CHST9: variants seen among roughly 807,000 people sequenced by gnomAD.
CHST9 encodes the protein GalNAc-4-sulfotransferase 2.
CHST9 carries 41 observed loss-of-function variants against 44.4 expected under a neutral mutation model. The ratio of observed to expected loss-of-function variants is 0.92; its 90% CI spans 0.72 to 1.20. The LOEUF (loss-of-function observed/expected upper bound fraction) is 1.20. Ranked by LOEUF, CHST9 falls within the 50% of genes most tolerant of loss-of-function variation. CHST9 has a pLI of 0.00. For synonymous variants in CHST9, 171 were observed against 178.4 expected, an observed-to-expected ratio of 0.96 and a Z score of 0.33; for missense variants, 504 against 516.5, an observed-to-expected ratio of 0.98 and a Z score of 0.23.
chr18:27,030,673 C>T (rs75835796), intron 3 of CHST9, among the ~76,000 whole-genome samples: 1,791 of 152,242 alleles, frequency 0.012, 14 homozygotes, highest in Non-Finnish European at 0.017. Flanking sequence ...CTTTAGAGCA[C>T]GCTTTGTGTA....
At chr18:26,945,711 A>C (rs2056152037) in intron 4 of CHST9, among the ~76,000 whole-genome samples, 1 of 152,216 alleles carries the variant, frequency 6.6e-6, no homozygotes, top group South Asian at 2.1e-4. Flanking sequence ...TATCATGAAT[A>C]AAGCTGCTAT....
intron 2 of CHST9, among the ~76,000 whole-genome samples, chr18:27,059,427 A>G (rs1406098348): frequency 6.6e-6 from 1 of 152,226 alleles, no homozygotes; most frequent in African/African-American, 2.4e-5. Flanking sequence ...CTTCTAAAGG[A>G]TCAATTAGTG....
chr18:26,977,571 A>G (rs776942098), intron 4 of CHST9, among the ~76,000 whole-genome samples: 1 of 152,188 alleles, frequency 6.6e-6, no homozygotes, highest in African/African-American at 2.4e-5. Flanking sequence ...AAATAATCTA[A>G]AAGGTCTAGG....
At chr18:26,938,551 A>G (rs370475558) in intron 5 of CHST9, among the ~76,000 whole-genome samples, 13 of 152,298 alleles carry the variant, frequency 8.5e-5, no homozygotes, top group African/African-American at 2.6e-4. Context: ...TTTGATAAGA[A>G]TAGTGCAAGG....
intron 5 of CHST9, among the ~76,000 whole-genome samples, chr18:26,937,943 T>G (rs977447646): frequency 6.6e-6 from 1 of 152,202 alleles, no homozygotes; most frequent in Admixed American, 6.5e-5. Context: ...CTCACAGGGT[T>G]GTTGTAACAA....
intron 3 of CHST9, among the ~76,000 whole-genome samples, chr18:27,033,115 T>C (rs1024822797): frequency 2.0e-5 from 3 of 152,196 alleles, no homozygotes; most frequent in African/African-American, 7.2e-5. Flanking sequence ...ATCTCCAGAA[T>C]TCCTCCCAGA....
intron 5 of CHST9, among the ~76,000 whole-genome samples, chr18:26,939,864 T>C (rs1168017803): frequency 3.9e-5 from 6 of 152,280 alleles, no homozygotes; most frequent in Non-Finnish European, 5.9e-5. Context: ...TCCTACCTCA[T>C]GTTTTACTTT....
chr18:26,999,290 T>G (rs1047183926), intron 4 of CHST9, among the ~76,000 whole-genome samples: 3 of 152,250 alleles, frequency 2.0e-5, no homozygotes, highest in Non-Finnish European at 4.4e-5. Context: ...TGAAATCATT[T>G]TTATTACTTT....
intron 4 of CHST9, among the ~76,000 whole-genome samples, chr18:26,974,600 A>G (rs2056593467): frequency 1.3e-5 from 2 of 151,994 alleles, no homozygotes; most frequent in South Asian, 4.1e-4. Flanking sequence ...TTCTTCCATC[A>G]TCCATGATCT....
chr18:27,123,451 G>C (rs1233632028), intron 2 of CHST9, among the ~76,000 whole-genome samples: 3 of 151,908 alleles, frequency 2.0e-5, no homozygotes, highest in African/African-American at 7.3e-5. Flanking sequence ...AATTATGTAG[G>C]GTTTTTAAAA....
chr18:27,033,897 G>A (rs9956566), intron 3 of CHST9, among the ~76,000 whole-genome samples: 196 of 152,258 alleles, frequency 1.3e-3, no homozygotes, highest in African/African-American at 4.4e-3. Context: ...AGGGAATGTG[G>A]CACTCAGTCA....
chr18:27,137,564 A>C (rs983322310), intron 2 of CHST9, among the ~76,000 whole-genome samples: 11 of 152,086 alleles, frequency 7.2e-5, no homozygotes, highest in African/African-American at 2.4e-4. Flanking sequence ...GAGGCTGAGG[A>C]GGCAGGCAGT....
chr18:26,916,374 T>C lies in CHST9; in HGVS notation c.1217A>G (p.Asn406Ser), dbSNP rs1441472328. The change falls in exon 6 of 6, where the codon AAT becomes AGT. Residue 406 changes from asparagine (N) to serine (S), a missense_variant. Physicochemically the swap from Asn to Ser is conservative, Grantham distance 46. Coordinates refer to ENST00000618847, the MANE Select transcript of CHST9 (RefSeq NM_031422.6). The stretch of plus-strand genomic sequence containing the variant: ...TAAATACTGTCTCACGACTTGAGCA[T>C]TGGTTCTTTCATCGGAAGAGTGCCT... ...KDRHSSDERT[N>S]AQVVRQYLKD... The C allele has an allele frequency of 1.2e-6, 2 of 1,613,682 alleles. No individual in the cohort carries two copies. The highest frequency in any genetic ancestry group is 1.1e-5 in the South Asian group (1 of 91,084).
chr18:27,123,504 A>G (rs1243486485), intron 2 of CHST9, among the ~76,000 whole-genome samples: 2 of 152,340 alleles, frequency 1.3e-5, no homozygotes, highest in South Asian at 4.1e-4. Context: ...TTATAATACC[A>G]TAAAGATAGA....
chr18:26,978,635 A>C (rs2056654383), intron 4 of CHST9, among the ~76,000 whole-genome samples: 1 of 152,240 alleles, frequency 6.6e-6, no homozygotes, highest in Non-Finnish European at 1.5e-5. Flanking sequence ...TCTGACTTCC[A>C]GTGTTGCTTC....
intron 5 of CHST9, among the ~76,000 whole-genome samples, chr18:26,920,126 C>T (rs2055620821): frequency 6.6e-6 from 1 of 152,228 alleles, no homozygotes; most frequent in African/African-American, 2.4e-5. Context: ...CCAATCAACT[C>T]TCAGTTCCTT....
intron 2 of CHST9, among the ~76,000 whole-genome samples, chr18:27,125,455 G>C (rs573787934): frequency 6.6e-6 from 1 of 152,174 alleles, no homozygotes; most frequent in South Asian, 2.1e-4. Context: ...CCAGTACTGG[G>C]CTCAGAACAC....
At chr18:27,052,921 G>A (rs1189639097) in intron 2 of CHST9, among the ~76,000 whole-genome samples, 1 of 151,756 alleles carries the variant, frequency 6.6e-6, no homozygotes, top group African/African-American at 2.4e-5. Context: ...GGACCCTGTT[G>A]GGGGTGAGGG....
At chr18:26,942,985 G>A (rs755590016) in intron 5 of CHST9, among the ~76,000 whole-genome samples, 1 of 152,118 alleles carries the variant, frequency 6.6e-6, no homozygotes, top group African/African-American at 2.4e-5. Context: ...GCACACGCCT[G>A]TAGTCTCAGC....
Sources: gnomAD v4.1 joint callset for allele counts (sites outside exome capture counted in the v4.1 genomes callset) on GRCh38, gnomAD v4.1.1 for gene constraint, MANE v1.5 for transcripts, NCBI Gene and HGNC (gene_info 2026-07-23, HGNC 2026-07-21) for gene names.